RBFOX1: variants seen among roughly 807,000 people sequenced by gnomAD.
RBFOX1 encodes RNA binding protein fox-1 homolog 1.
Under a neutral mutation model 57.7 loss-of-function variants are expected in RBFOX1, and 8 were observed. That is an observed-to-expected ratio of 0.14 (90% CI 0.08 to 0.25). The LOEUF (loss-of-function observed/expected upper bound fraction) is 0.25. Among genes scored for constraint, RBFOX1 ranks in the 10% least tolerant of loss-of-function variants. The pLI, the probability that RBFOX1 is intolerant of heterozygous loss-of-function variation, is 1.00. For missense variants in RBFOX1, 611 were observed against 548.5 expected, an observed-to-expected ratio of 1.11 and a Z score of -1.14; for synonymous variants, 326 against 222.4, an observed-to-expected ratio of 1.47 and a Z score of -4.15.
At chr16:7,202,210 A>T (rs2088721985) in intron 4 of RBFOX1, among the ~76,000 whole-genome samples, 1 of 152,172 alleles carries the variant, frequency 6.6e-6, no homozygotes, top group Non-Finnish European at 1.5e-5. Context: ...CACATGAAAA[A>T]AGATGCTCAA....
intron 3 of RBFOX1, among the ~76,000 whole-genome samples, chr16:6,771,306 C>T (rs1432565403): frequency 2.0e-5 from 3 of 152,224 alleles, no homozygotes; most frequent in Admixed American, 2.0e-4. Flanking sequence ...TTACGGCAGC[C>T]CTGGCAAGCT....
intron 5 of RBFOX1, among the ~76,000 whole-genome samples, chr16:7,563,591 C>T (rs1430729184): frequency 1.3e-5 from 2 of 152,170 alleles, no homozygotes; most frequent in East Asian, 3.9e-4. Flanking sequence ...CCTCAGCCTC[C>T]ATAGCAGCTG....
chr16:7,480,871 G>T (rs976157160), intron 4 of RBFOX1, among the ~76,000 whole-genome samples: 16 of 152,166 alleles, frequency 1.1e-4, no homozygotes, highest in African/African-American at 3.9e-4. Context: ...TGTCCTCCTG[G>T]GGCTGCTTCC....
intron 4 of RBFOX1, among the ~76,000 whole-genome samples, chr16:5,919,668 A>G (rs2058778406): frequency 6.6e-6 from 1 of 152,140 alleles, no homozygotes; most frequent in African/African-American, 2.4e-5. Context: ...GTATAATTCC[A>G]TGGTATTTAG....
chr16:6,462,826 T>C (rs1288380109), intron 2 of RBFOX1, among the ~76,000 whole-genome samples: 1 of 152,186 alleles, frequency 6.6e-6, no homozygotes, highest in Non-Finnish European at 1.5e-5. Flanking sequence ...CATTGTTGCT[T>C]TAATTTTCAT....
chr16:6,363,959 A>G (rs1316293866), intron 2 of RBFOX1, among the ~76,000 whole-genome samples: 1 of 152,246 alleles, frequency 6.6e-6, no homozygotes, highest in Non-Finnish European at 1.5e-5. Flanking sequence ...ATATAAAAAA[A>G]TTGGAAAGAC....
chr16:5,677,382 A>G (rs1031211532), intron 3 of RBFOX1, among the ~76,000 whole-genome samples: 1 of 152,214 alleles, frequency 6.6e-6, no homozygotes, highest in African/African-American at 2.4e-5. Context: ...GAGATAGTCA[A>G]AGAATTCTTA....
chr16:6,123,708 C>T (rs1291694897), intron 1 of RBFOX1, among the ~76,000 whole-genome samples: 1 of 152,078 alleles, frequency 6.6e-6, no homozygotes, highest in East Asian at 1.9e-4. Context: ...AGTCCAAGAC[C>T]AGCCTGGGCA....
chr16:7,052,399 G>C (rs1340266137), intron 4 of RBFOX1, among the ~76,000 whole-genome samples: 1 of 152,152 alleles, frequency 6.6e-6, no homozygotes, highest in Non-Finnish European at 1.5e-5. Context: ...CGAGGTCTAA[G>C]TAATAACAAA....
chr16:6,903,208 G>C (rs1332202128), intron 3 of RBFOX1, among the ~76,000 whole-genome samples: 3 of 152,182 alleles, frequency 2.0e-5, no homozygotes, highest in East Asian at 1.9e-4. Flanking sequence ...CTGGGGGCTA[G>C]AGAGCTCATG....
chr16:7,310,950 G>T (rs1218815475), intron 4 of RBFOX1, among the ~76,000 whole-genome samples: 1 of 152,216 alleles, frequency 6.6e-6, no homozygotes, highest in Non-Finnish European at 1.5e-5. Context: ...ACAACGCTTT[G>T]GAAAACTTCC....
At chr16:6,409,361 C>G (rs2093384893) in intron 2 of RBFOX1, among the ~76,000 whole-genome samples, 1 of 152,128 alleles carries the variant, frequency 6.6e-6, no homozygotes, top group Non-Finnish European at 1.5e-5. Context: ...TTGCAGTGAG[C>G]CGAGATCATG....
At chr16:7,181,000 A>G (rs1294439252) in intron 4 of RBFOX1, among the ~76,000 whole-genome samples, 1 of 152,202 alleles carries the variant, frequency 6.6e-6, no homozygotes, top group Non-Finnish European at 1.5e-5. Context: ...GGCAATGCAA[A>G]AGCAATGGAA....
rs78728828 is a variant in RBFOX1, at chr16:6,474,920, A to C, written c.-64+157863A>C. The stretch of plus-strand genomic sequence containing the variant: ...GTTCACTGCAGTGTTATTTAACATA[A>C]AGAGAAAGTGTGTAGCATTAGAGTG... On this transcript the variant is annotated intron_variant, in intron 2 of 15. Transcript: ENST00000550418. Among the ~76,000 whole-genome samples, 9 of 152,246 alleles carry C rather than the reference A, an allele frequency of 5.9e-5. No homozygotes were observed. In the East Asian group the frequency reaches 1.7e-3, roughly 29 times the overall value.
intron 4 of RBFOX1, among the ~76,000 whole-genome samples, chr16:7,507,274 C>T (rs2073632950): frequency 6.6e-6 from 1 of 152,204 alleles, no homozygotes; most frequent in Non-Finnish European, 1.5e-5. Flanking sequence ...CATTCCTCCA[C>T]ATAAAGTTTT....
intron 4 of RBFOX1, among the ~76,000 whole-genome samples, chr16:7,148,205 T>A (rs1327611403): frequency 1.3e-5 from 2 of 152,134 alleles, no homozygotes. Context: ...GTCTGTTAGA[T>A]CAACAATTAA....
intron 2 of RBFOX1, among the ~76,000 whole-genome samples, chr16:6,570,175 G>A (rs1362972213): frequency 6.6e-6 from 1 of 152,150 alleles, no homozygotes; most frequent in Non-Finnish European, 1.5e-5. Context: ...AACTTCAAGT[G>A]TTCTACAAGG....
Position 6,392,504 on chromosome 16 carries a change from G to T in RBFOX1, c.-64+75447G>T, listed in dbSNP as rs575484068. ...TTTTCATTTGTAAAAGAGATTGTAA[G>T]GGAAATAAAATGTAAAGTTAAAGCT... On this transcript the variant is annotated intron_variant, in intron 2 of 15. Coordinates refer to ENST00000550418, the MANE Select transcript of RBFOX1 (RefSeq NM_018723.4). Among the ~76,000 whole-genome samples the T allele has an allele frequency of 2.0e-5, 3 of 152,276 alleles. No homozygotes were observed. The South Asian group carries it at 6.2e-4, about 32-fold the overall frequency.
intron 4 of RBFOX1, among the ~76,000 whole-genome samples, chr16:7,241,630 A>G (rs971034399): frequency 6.6e-6 from 1 of 152,124 alleles, no homozygotes; most frequent in African/African-American, 2.4e-5. Flanking sequence ...AAGAAAAAAC[A>G]TTTCTTCTTT....
Sources: allele counts gnomAD v4.1 joint callset (sites outside exome capture counted in the v4.1 genomes callset), GRCh38; gene constraint gnomAD v4.1.1; transcripts MANE v1.5; gene names NCBI Gene and HGNC (gene_info 2026-07-23, HGNC 2026-07-21).